Variants in NKAIN3 observed in about 807,000 individuals in gnomAD.
The protein encoded by NKAIN3 is sodium/potassium transporting ATPase interacting 3.
NKAIN3 carries 25 observed loss-of-function variants against 30.2 expected under a neutral mutation model. That is an observed-to-expected ratio of 0.83 (90% CI 0.60 to 1.16). The LOEUF is 1.16. Among genes scored for constraint, NKAIN3 ranks in the 50% most tolerant of loss-of-function variants. The pLI is 0.00. For synonymous variants in NKAIN3, 91 were observed against 89.6 expected (o/e 1.02, Z -0.09); for missense variants, 225 against 254.1 (o/e 0.89, Z 0.78).
chr8:62,914,797 G>A (rs928833455), intron 4 of NKAIN3, among the ~76,000 whole-genome samples: 1 of 43,660 alleles, frequency 2.3e-5, no homozygotes, highest in Non-Finnish European at 4.7e-5. Flanking sequence ...TTTTTTTTTT[G>A]CTATTATACT....
intron 1 of NKAIN3, among the ~76,000 whole-genome samples, chr8:62,509,727 C>T (rs965974210): frequency 4.6e-5 from 7 of 152,074 alleles, no homozygotes; most frequent in African/African-American, 1.2e-4. Flanking sequence ...TCTTTCTTAT[C>T]GTAACTCTCC....
At chr8:62,554,513 A>G (rs1049525443) in intron 1 of NKAIN3, among the ~76,000 whole-genome samples, 1 of 152,120 alleles carries the variant, frequency 6.6e-6, no homozygotes, top group Non-Finnish European at 1.5e-5. Flanking sequence ...AAACAGAAAA[A>G]TTTCTCCTGA....
rs115229775 is a variant in NKAIN3 at position 62,392,569 on chromosome 8, A to G, written c.54+143442A>G. On this transcript the variant is annotated intron_variant, in intron 1 of 6. Coordinates refer to ENST00000623646, the MANE Select transcript of NKAIN3 (RefSeq NM_001304533.3). ...CCTGGCCACTTCATTATGCAAAGAA[A>G]AGCATAAATGTATTATATTCATTGA... Among the ~76,000 whole-genome samples the G allele has an allele frequency of 6.0e-3, 909 of 152,144 alleles. 4 individuals carry two copies. The highest frequency in any genetic ancestry group is 0.021 in the African/African-American group (865 of 41,556).
At chr8:62,997,147 G>C (rs1308140040) in intron 5 of NKAIN3, among the ~76,000 whole-genome samples, 2 of 152,148 alleles carry the variant, frequency 1.3e-5, no homozygotes, top group Non-Finnish European at 2.9e-5. Flanking sequence ...GGAGGCAATA[G>C]AACTGTTTAC....
intron 6 of NKAIN3, among the ~76,000 whole-genome samples, chr8:62,961,941 G>A (rs536644899): frequency 5.8e-4 from 89 of 152,204 alleles, no homozygotes; most frequent in African/African-American, 2.0e-3. Flanking sequence ...TTTAGGAAAT[G>A]AAGAATTCTC....
chr8:62,466,533 C>G (rs1249935780), intron 1 of NKAIN3, among the ~76,000 whole-genome samples: 1 of 152,086 alleles, frequency 6.6e-6, no homozygotes, highest in East Asian at 1.9e-4. Flanking sequence ...CCTGCGGTTT[C>G]CAGCTCATAC....
At chr8:62,539,631 C>A (rs555306198) in intron 1 of NKAIN3, among the ~76,000 whole-genome samples, 48 of 152,240 alleles carry the variant, frequency 3.2e-4, no homozygotes, top group African/African-American at 1.2e-3. Flanking sequence ...GCTCTGTCAT[C>A]CAGGCTGGAG....
At chr8:62,300,886 T>C (rs746158707) in intron 1 of NKAIN3, among the ~76,000 whole-genome samples, 7 of 152,080 alleles carry the variant, frequency 4.6e-5, no homozygotes, top group Non-Finnish European at 1.0e-4. Context: ...ACTTCGAATC[T>C]CCTTTAATGT....
At chr8:62,337,786 T>G (rs1815614202) in intron 1 of NKAIN3, among the ~76,000 whole-genome samples, 1 of 152,046 alleles carries the variant, frequency 6.6e-6, no homozygotes, top group Non-Finnish European at 1.5e-5. Context: ...TTCTATTATA[T>G]TTAATTTTTA....
chr8:62,807,814 C>T (rs1001423740), intron 4 of NKAIN3, among the ~76,000 whole-genome samples: 6 of 149,286 alleles, frequency 4.0e-5, no homozygotes, highest in African/African-American at 2.4e-5. Context: ...TATTTGAAAA[C>T]TCATGCTCTA....
intron 2 of NKAIN3, among the ~76,000 whole-genome samples, chr8:62,585,404 ACTC>A (rs995911987): frequency 6.6e-5 from 10 of 152,146 alleles, no homozygotes; most frequent in African/African-American, 2.2e-4. Flanking sequence ...GCCACATAGT[ACTC>A]CTTTACTCAT....
chr8:62,642,074 T>C (rs1325933056), intron 3 of NKAIN3, among the ~76,000 whole-genome samples: 1 of 150,218 alleles, frequency 6.7e-6, no homozygotes, highest in East Asian at 1.9e-4. Context: ...GGAAAAATGC[T>C]TTTTAAAAAA....
At chr8:62,833,788 A>C (rs1819270335) in intron 4 of NKAIN3, among the ~76,000 whole-genome samples, 1 of 152,026 alleles carries the variant, frequency 6.6e-6, no homozygotes, top group Non-Finnish European at 1.5e-5. Context: ...CTATTCAAAA[A>C]AATTGAGGGG....
intron 1 of NKAIN3, among the ~76,000 whole-genome samples, chr8:62,534,958 G>A (rs773983380): frequency 2.0e-4 from 30 of 150,046 alleles, no homozygotes; most frequent in Non-Finnish European, 4.1e-4. Context: ...AACACAACTA[G>A]ACAAATAACT....
chr8:62,511,936 GA>G (rs1325371833), intron 1 of NKAIN3, among the ~76,000 whole-genome samples: 9 of 152,106 alleles, frequency 5.9e-5, no homozygotes, highest in Non-Finnish European at 8.8e-5. Flanking sequence ...TTGTTTTTGT[GA>G]TTGTTTGATT....
intron 1 of NKAIN3, among the ~76,000 whole-genome samples, chr8:62,408,185 A>C (rs1804134154): frequency 6.6e-6 from 1 of 152,200 alleles, no homozygotes; most frequent in Non-Finnish European, 1.5e-5. Context: ...CAAAATTTTG[A>C]ATACAGCTCT....
intron 3 of NKAIN3, among the ~76,000 whole-genome samples, chr8:62,637,024 G>GT (rs1812151695): frequency 7.2e-5 from 11 of 151,992 alleles, no homozygotes; most frequent in Admixed American, 5.2e-4. Context: ...ACAGCTATCA[G>GT]TTTTTTCTGA....
chr8:62,839,461 T>G (rs1294343349), intron 4 of NKAIN3, among the ~76,000 whole-genome samples: 1 of 152,156 alleles, frequency 6.6e-6, no homozygotes, highest in Non-Finnish European at 1.5e-5. Flanking sequence ...TTATTTTAGC[T>G]TTTTGAAATG....
At chr8:62,729,039 A>AAAAAAAAAAAAAAAC (rs200466973) in intron 3 of NKAIN3, among the ~76,000 whole-genome samples, 1 of 96,926 alleles carries the variant, frequency 1.0e-5, no homozygotes, top group African/African-American at 4.0e-5. Flanking sequence ...AAAAAAAAAA[A>AAAAAAAAAAAAAAAC]CAAAAAAAAA....
Sources: gnomAD v4.1 joint callset for allele counts (sites outside exome capture counted in the v4.1 genomes callset) on GRCh38, gnomAD v4.1.1 for gene constraint, MANE v1.5 for transcripts, NCBI Gene and HGNC (gene_info 2026-07-23, HGNC 2026-07-21) for gene names.